MSI2: variants seen among roughly 807,000 people sequenced by gnomAD.
MSI2 encodes musashi RNA binding protein 2.
In MSI2, 17 loss-of-function variants were observed where a neutral mutation model predicts 45.6. The ratio of observed to expected loss-of-function variants is 0.37; its 90% CI spans 0.26 to 0.56. MSI2 has a LOEUF of 0.56. Among genes scored for constraint, MSI2 ranks in the 20% least tolerant of loss-of-function variants. MSI2 has a pLI of 0.77. For missense variants in MSI2, 293 were observed against 444.2 expected (o/e 0.66, Z 3.06); for synonymous variants, 156 against 158.2 (o/e 0.99, Z 0.11).
At chr17:57,423,910 A>G (rs1429615873) in intron 6 of MSI2, among the ~76,000 whole-genome samples, 1 of 152,236 alleles carries the variant, frequency 6.6e-6, no homozygotes, top group Non-Finnish European at 1.5e-5. Flanking sequence ...TTAAATTTTA[A>G]TGTACCCTAT....
At chr17:57,548,781 A>T (rs891489341) in intron 7 of MSI2, among the ~76,000 whole-genome samples, 20 of 151,820 alleles carry the variant, frequency 1.3e-4, no homozygotes, top group African/African-American at 4.6e-4. Context: ...GGCCATTCGG[A>T]GTCAGCCCGG....
At chr17:57,413,158 C>T (rs576234043) in intron 6 of MSI2, among the ~76,000 whole-genome samples, 61 of 139,284 alleles carry the variant, frequency 4.4e-4, no homozygotes, top group Non-Finnish European at 6.8e-4. Flanking sequence ...CCTTTATATA[C>T]ACACACACAC....
At chr17:57,430,140 G>A (rs1021510474) in intron 6 of MSI2, among the ~76,000 whole-genome samples, 2 of 152,144 alleles carry the variant, frequency 1.3e-5, no homozygotes, top group African/African-American at 4.8e-5. Context: ...TTGTTAGCGT[G>A]TGACCATGAG....
intron 7 of MSI2, among the ~76,000 whole-genome samples, chr17:57,591,418 C>T (rs1292698598): frequency 6.6e-6 from 1 of 152,190 alleles, no homozygotes; most frequent in East Asian, 1.9e-4. Context: ...TGAGAAAATT[C>T]ATAGTCATAA....
At chr17:57,686,085 T>C (rs1409042760), downstream of MSI2, among the ~76,000 whole-genome samples, 1 of 152,250 alleles carries the variant, frequency 6.6e-6, no homozygotes, top group Non-Finnish European at 1.5e-5. Flanking sequence ...CATGGTTGTA[T>C]AGCTGCTGAG....
chr17:57,637,833 G>A (rs1271792320), intron 10 of MSI2, among the ~76,000 whole-genome samples: 2 of 152,228 alleles, frequency 1.3e-5, no homozygotes, highest in Admixed American at 6.5e-5. Flanking sequence ...GCTACAGTGA[G>A]GGAGGCTGCA....
chr17:57,389,120 G>A (rs764210769), intron 5 of MSI2, among the ~76,000 whole-genome samples: 6 of 148,628 alleles, frequency 4.0e-5, no homozygotes, highest in Admixed American at 1.4e-4. Context: ...CTGGGACCAC[G>A]GGCATGTGCC....
At chr17:57,388,020 T>C (rs960645450) in intron 5 of MSI2, among the ~76,000 whole-genome samples, 9 of 152,264 alleles carry the variant, frequency 5.9e-5, no homozygotes, top group African/African-American at 2.2e-4. Flanking sequence ...GAGTTTGTCC[T>C]CTTTCCACTC....
intron 6 of MSI2, among the ~76,000 whole-genome samples, chr17:57,446,114 G>C (rs938366372): frequency 1.3e-5 from 2 of 152,240 alleles, no homozygotes; most frequent in East Asian, 3.9e-4. Context: ...AGAGGAAATG[G>C]AAGAAAGTGT....
chr17:57,286,960 C>A (rs61325674), intron 5 of MSI2, among the ~76,000 whole-genome samples: 6,511 of 152,026 alleles, frequency 0.043, 240 homozygotes, highest in East Asian at 0.18. Flanking sequence ...TGCCCAGAAA[C>A]AAAGCAAGGC....
intron 7 of MSI2, among the ~76,000 whole-genome samples, chr17:57,592,643 C>T (rs893184027): frequency 2.0e-5 from 3 of 152,160 alleles, no homozygotes; most frequent in African/African-American, 7.2e-5. Context: ...TCCGGGCTAT[C>T]TCCTTTAATC....
At chr17:57,511,291 G>A (rs894678658) in intron 6 of MSI2, among the ~76,000 whole-genome samples, 3 of 152,272 alleles carry the variant, frequency 2.0e-5, no homozygotes, top group Middle Eastern at 3.4e-3. Flanking sequence ...AAAGGAAGGC[G>A]CATTAATAAA....
rs1913734452 is a variant in MSI2, at chr17:57,683,454, C to T, written c.*3937C>T. ...AGGGCTAGGGACTTAGCCTCCTCCA[C>T]CACCTCCACACTGCTTCATTCTGCC... On this transcript the variant is annotated 3_prime_UTR_variant, in exon 14 of 14. Coordinates refer to ENST00000284073, the MANE Select transcript of MSI2 (RefSeq NM_138962.4). The surrounding 1 kb of genome is among the most constrained non-coding windows in gnomAD (Gnocchi z 5.2). 4.4e-6 allele frequency: 1 copy of T among 229,226 alleles called. No individual in the cohort carries two copies. Among genetic ancestry groups the T allele is most frequent in the Non-Finnish European group, 8.7e-6 (1 of 115,596 alleles). 14.2% of individuals were successfully genotyped at this position (229,226 alleles called of 1,614,324 possible). A position where few individuals can be genotyped will look rare whatever the true frequency, so the allele number is the denominator to read the frequency against.
At chr17:57,396,720 G>C (rs1285187582) in intron 5 of MSI2, among the ~76,000 whole-genome samples, 1 of 152,120 alleles carries the variant, frequency 6.6e-6, no homozygotes, top group Admixed American at 6.5e-5. Context: ...TTAAATTACA[G>C]GTCTAGATGC....
chr17:57,498,207 T>C (rs1045915687), intron 6 of MSI2, among the ~76,000 whole-genome samples: 4 of 152,218 alleles, frequency 2.6e-5, no homozygotes, highest in Non-Finnish European at 5.9e-5. Flanking sequence ...AGAATAAACA[T>C]GGTATTTTTC....
chr17:57,392,190 C>T (rs530577449), intron 5 of MSI2, among the ~76,000 whole-genome samples: 20 of 152,186 alleles, frequency 1.3e-4, no homozygotes, highest in Non-Finnish European at 2.9e-4. Context: ...GTTACCTCCC[C>T]CAGCCCCCAA....
intron 5 of MSI2, among the ~76,000 whole-genome samples, chr17:57,276,988 C>T (rs1908904451): frequency 6.6e-6 from 1 of 151,678 alleles, no homozygotes; most frequent in African/African-American, 2.4e-5. Flanking sequence ...GACCTGTTCT[C>T]CTTGGGTTGT....
intron 6 of MSI2, among the ~76,000 whole-genome samples, chr17:57,476,626 G>A (rs1029868964): frequency 6.6e-6 from 1 of 152,220 alleles, no homozygotes; most frequent in African/African-American, 2.4e-5. Flanking sequence ...GGTTGATTCA[G>A]GGATCCAGGT....
At chr17:57,273,727 A>G (rs943630410) in intron 5 of MSI2, among the ~76,000 whole-genome samples, 1 of 152,124 alleles carries the variant, frequency 6.6e-6, no homozygotes, top group African/African-American at 2.4e-5. Context: ...TAGCCCTCCA[A>G]GCGGCCCCTC....
Sources: gnomAD v4.1 joint callset for allele counts (sites outside exome capture counted in the v4.1 genomes callset) on GRCh38, gnomAD v4.1.1 for gene constraint, Gnocchi (gnomAD v3.1) non-coding constraint, MANE v1.5 for transcripts, NCBI Gene and HGNC (gene_info 2026-07-23, HGNC 2026-07-21) for gene names.